PCMT1: variants seen among roughly 807,000 people sequenced by gnomAD.
The protein encoded by PCMT1 is protein-L-isoaspartate (D-aspartate) O-methyltransferase, also known as protein-L-isoaspartate(D-aspartate) O-methyltransferase.
A neutral mutation model predicts 29.2 loss-of-function variants in PCMT1; 9 were observed. The observed-to-expected ratio is 0.31, with a 90% CI of 0.19 to 0.54. The LOEUF is 0.54. PCMT1 is among the 20% of genes least tolerant of loss of function. The probability of loss-of-function intolerance (pLI) is 0.95; values close to 1 mark genes in which losing one functional copy is unlikely to be tolerated. For missense variants in PCMT1, 184 were observed against 282.2 expected (o/e 0.65, Z 2.49); for synonymous variants, 98 against 97.5 (o/e 1.00, Z -0.03).
intron 2 of PCMT1, chr6:149,771,893 T>G: frequency 2.3e-6 from 1 of 438,988 alleles, no homozygotes. Context: ...TAGTGTTGAC[T>G]AAAGATTAGT....
At chr6:149,761,171 CAT>C (rs1414963139) in intron 1 of PCMT1, among the ~76,000 whole-genome samples, 1 of 124,660 alleles carries the variant, frequency 8.0e-6, no homozygotes, top group Non-Finnish European at 1.6e-5. Flanking sequence ...GTAGATAAAA[CAT>C]GAAATACACA....
At chr6:149,772,090 G>C in intron 2 of PCMT1, 1 of 456,704 alleles carries the variant, frequency 2.2e-6, no homozygotes. Context: ...CGCCTTTGAG[G>C]CTTAGAAGTG....
At chr6:149,750,852 G>A in intron 1 of PCMT1, among the ~76,000 whole-genome samples, 1 of 152,054 alleles carries the variant, frequency 6.6e-6, no homozygotes, top group Non-Finnish European at 1.5e-5. Flanking sequence ...TACAAGGGCC[G>A]CAGTCTATAA....
At chr6:149,785,355 C>T (rs201191883) in intron 3 of PCMT1, among the ~76,000 whole-genome samples, 790 of 72,826 alleles carry the variant, frequency 0.011, no homozygotes, top group Middle Eastern at 0.021. Context: ...TGGCTGTTTT[C>T]TTTTTTTTTT....
chr6:149,777,809 CCTTT>C (rs1199497081), intron 3 of PCMT1, among the ~76,000 whole-genome samples: 2 of 150,582 alleles, frequency 1.3e-5, no homozygotes, highest in Admixed American at 6.7e-5. Flanking sequence ...CTTTCTTTGT[CCTTT>C]CTCTTTCTTT....
chr6:149,791,757 T>A lies in PCMT1; in HGVS notation c.297+1699T>A, dbSNP rs375384240. Among the ~76,000 whole-genome samples, 345 of 152,328 alleles carry A rather than the reference T, an allele frequency of 2.3e-3. 1 individual carries two copies. Among genetic ancestry groups the A allele is most frequent in the Non-Finnish European group, 3.5e-3 (236 of 68,024 alleles). On this transcript the variant is annotated intron_variant, in intron 4 of 7. Transcript: ENST00000464889. ...ATTAATGGATATCAGTGATTTTTTT[T>A]AAGGTTAGAAATGCCATTTAATAAA...
chr6:149,779,859 G>A (rs2115276062), intron 3 of PCMT1, among the ~76,000 whole-genome samples: 1 of 152,104 alleles, frequency 6.6e-6, no homozygotes, highest in African/African-American at 2.4e-5. Flanking sequence ...TGGAGAACCA[G>A]TATCTAGCAT....
intron 1 of PCMT1, among the ~76,000 whole-genome samples, chr6:149,750,420 T>C (rs1034216032): frequency 1.3e-5 from 2 of 152,122 alleles, no homozygotes; most frequent in African/African-American, 2.4e-5. Flanking sequence ...CGCTGCAAGC[T>C]TTCCCTCTTA....
chr6:149,778,332 A>C (rs1352528686), intron 3 of PCMT1, among the ~76,000 whole-genome samples: 2 of 151,792 alleles, frequency 1.3e-5, no homozygotes, highest in African/African-American at 4.8e-5. Context: ...AGGTTCAAGC[A>C]GTTCTCCTGC....
chr6:149,772,468 G>C, intron 2 of PCMT1: 1 of 406,956 alleles, frequency 2.5e-6, no homozygotes, highest in South Asian at 1.8e-5. Context: ...TATTACATAT[G>C]AAAACTTATT....
rs868655384 is a variant in PCMT1, at chr6:149,808,879, G to A, written c.*38-1737G>A. ...TCTCGATCTCCTGACCTCATGATCC[G>A]CCCGCCTTGGCCTCCCAAAGTGCTG... On this transcript the variant is annotated intron_variant, in intron 7 of 7. Transcript: ENST00000464889. 6.6e-5 allele frequency among the ~76,000 whole-genome samples: 10 copies of A among 151,622 alleles called. No individual in the cohort carries two copies. In the East Asian group the frequency reaches 1.2e-3, roughly 18 times the overall value.
chr6:149,801,851 G>A (rs1293973427), intron 6 of PCMT1, among the ~76,000 whole-genome samples: 5 of 152,134 alleles, frequency 3.3e-5, no homozygotes, highest in African/African-American at 4.8e-5. Flanking sequence ...AATCTGGGCC[G>A]GGCACAGTAG....
At chr6:149,779,412 G>T (rs368309152) in intron 3 of PCMT1, among the ~76,000 whole-genome samples, 29 of 152,262 alleles carry the variant, frequency 1.9e-4, no homozygotes, top group African/African-American at 7.0e-4. Flanking sequence ...TAGTCCGACT[G>T]CGCCAGTGAT....
rs974091855 is a variant in PCMT1 at position 149,770,820 on chromosome 6, G to T, written c.56-342G>T. Among the ~76,000 whole-genome samples the T allele has an allele frequency of 5.5e-5, 8 of 146,524 alleles. No homozygotes were observed. The South Asian group carries it at 1.3e-3, about 24-fold the overall frequency. The stretch of plus-strand genomic sequence containing the variant: ...AGATCGAGACCATCCTGGCTAACAT[G>T]GTGAAACCCTGTTTCTAAAATACAA... On this transcript the variant is annotated intron_variant, in intron 1 of 7. Coordinates refer to ENST00000464889, the MANE Select transcript of PCMT1 (RefSeq NM_001360452.2).
chr6:149,786,299 CGG>C (rs1788065943), intron 3 of PCMT1, among the ~76,000 whole-genome samples: 1 of 13,730 alleles, frequency 7.3e-5, no homozygotes, highest in Non-Finnish European at 1.2e-4. Context: ...CAGGACGGGG[CGG>C]CTGGCCGGGC....
At position 149,758,108 on chromosome 6, in the gene PCMT1, T is replaced by A. The variant is rs992966783; in HGVS notation, c.55+8152T>A. 2.6e-5 allele frequency among the ~76,000 whole-genome samples: 4 copies of A among 151,622 alleles called. No individual in the cohort carries two copies. The East Asian group carries it at 7.8e-4, about 30-fold the overall frequency. ...CATGTTGGCCAGGATGGCCTCAAACTCCTGACCTCAAGTGATCCACCCGAC... is the reference window on the plus strand; with the variant it reads ...CATGTTGGCCAGGATGGCCTCAAACACCTGACCTCAAGTGATCCACCCGAC... On this transcript the variant is annotated intron_variant, in intron 1 of 7. Coordinates refer to ENST00000464889, the MANE Select transcript of PCMT1 (RefSeq NM_001360452.2).
intron 7 of PCMT1, among the ~76,000 whole-genome samples, chr6:149,803,001 C>G (rs543746099): frequency 2.3e-5 from 3 of 127,848 alleles, no homozygotes; most frequent in South Asian, 2.4e-4. Context: ...TGCAGTGGGC[C>G]GAGATTTTGA....
rs575748965 is a variant in PCMT1, at chr6:149,779,739, A to G, written c.192+6570A>G. Among the ~76,000 whole-genome samples, 125 of 152,016 alleles carry G rather than the reference A, an allele frequency of 8.2e-4. 1 individual carries two copies. Among genetic ancestry groups the G allele is most frequent in the Admixed American group, 8.1e-3 (124 of 15,236 alleles). ...ACAAGAGAATCACTTGGACCTGGGG[A>G]GGGTGCAGGTTGCAGTGAGCCAAGA... On this transcript the variant is annotated intron_variant, in intron 3 of 7. Transcript: ENST00000464889.
chr6:149,773,838 C>A (rs188034940), intron 3 of PCMT1, among the ~76,000 whole-genome samples: 22 of 152,228 alleles, frequency 1.4e-4, no homozygotes, highest in African/African-American at 5.1e-4. Flanking sequence ...ATAGAAATCT[C>A]AAGTTGAATA....
Sources: allele counts gnomAD v4.1 joint callset (sites outside exome capture counted in the v4.1 genomes callset), GRCh38; gene constraint gnomAD v4.1.1; transcripts MANE v1.5; gene names NCBI Gene and HGNC (gene_info 2026-07-23, HGNC 2026-07-21).